Variants in HERC4 observed in about 807,000 individuals in gnomAD.
HERC4 encodes the protein HECT and RLD domain containing E3 ubiquitin protein ligase 4.
HERC4 carries 28 observed loss-of-function variants against 124.3 expected under a neutral mutation model. The observed-to-expected ratio is 0.23, with a 90% CI of 0.17 to 0.31. HERC4 has a LOEUF of 0.31. HERC4 is among the 10% of genes least tolerant of loss of function. The probability of loss-of-function intolerance (pLI) is 1.00; values close to 1 mark genes in which losing one functional copy is unlikely to be tolerated. For missense variants in HERC4, 713 were observed against 1,229.3 expected (o/e 0.58, Z 6.28); for synonymous variants, 407 against 421.5 (o/e 0.97, Z 0.42).
intron 23 of HERC4, among the ~76,000 whole-genome samples, chr10:67,930,274 T>C (rs529155466): frequency 1.3e-5 from 2 of 152,134 alleles, no homozygotes; most frequent in South Asian, 2.1e-4. Flanking sequence ...ACACATACCA[T>C]AAAGTTTGTA....
intron 3 of HERC4, chr10:68,069,631 C>T: frequency 1.0e-6 from 1 of 985,032 alleles, no homozygotes; most frequent in Non-Finnish European, 1.2e-6. Context: ...ATAAGGCTAC[C>T]TCTTTCTCCT....
At chr10:67,931,366 A>G (rs2031784876) in intron 23 of HERC4, among the ~76,000 whole-genome samples, 1 of 152,212 alleles carries the variant, frequency 6.6e-6, no homozygotes, top group Non-Finnish European at 1.5e-5. Context: ...TAATCAGAAA[A>G]AAAGGAAACA....
At chr10:67,974,673 T>C (rs909486520) in intron 15 of HERC4, among the ~76,000 whole-genome samples, 1 of 152,240 alleles carries the variant, frequency 6.6e-6, no homozygotes, top group African/African-American at 2.4e-5. Flanking sequence ...TATTATAATG[T>C]ATGCTTATTG....
intron 9 of HERC4, among the ~76,000 whole-genome samples, chr10:68,013,434 T>C (rs2038083554): frequency 6.6e-6 from 1 of 152,170 alleles, no homozygotes; most frequent in African/African-American, 2.4e-5. Flanking sequence ...ACAACACAGA[T>C]GAACCTTGAG....
intron 8 of HERC4, among the ~76,000 whole-genome samples, chr10:68,018,027 T>C (rs375087626): frequency 3.3e-5 from 5 of 152,312 alleles, no homozygotes; most frequent in South Asian, 4.1e-4. Flanking sequence ...TTCCTCAATG[T>C]TATTTTATCA....
intron 14 of HERC4, 116 bp from the exon 15 acceptor site, chr10:67,988,951 A>T (rs2036411349): frequency 1.4e-6 from 1 of 740,154 alleles, no homozygotes; most frequent in Non-Finnish European, 2.3e-6. Flanking sequence ...AAAACCCCAG[A>T]AAGATGCATA....
At chr10:67,951,323 G>T (rs1388730543) in intron 19 of HERC4, among the ~76,000 whole-genome samples, 2 of 152,154 alleles carry the variant, frequency 1.3e-5, no homozygotes, top group African/African-American at 4.8e-5. Context: ...TGAGCAGATT[G>T]TCCACTTACC....
At chr10:67,986,573 TCTCAAA>T (rs918949249) in intron 15 of HERC4, among the ~76,000 whole-genome samples, 7 of 152,072 alleles carry the variant, frequency 4.6e-5, no homozygotes, top group Non-Finnish European at 7.4e-5. Flanking sequence ...GCCAGGTTGG[TCTCAAA>T]CTCCTGACCT....
chr10:67,975,302 T>C (rs959419086), intron 15 of HERC4, among the ~76,000 whole-genome samples: 1 of 152,342 alleles, frequency 6.6e-6, no homozygotes, highest in East Asian at 1.9e-4. Context: ...AAATGTATAC[T>C]ATTATTATGA....
chr10:67,927,430 A>ATATATAT (rs1564911511), intron 23 of HERC4, among the ~76,000 whole-genome samples: 1 of 37,906 alleles, frequency 2.6e-5, no homozygotes, highest in African/African-American at 5.8e-5. Context: ...ATATATATAT[A>ATATATAT]TTTTTTTTTT....
chr10:68,023,658 C>T (rs867382030), intron 8 of HERC4, among the ~76,000 whole-genome samples: 49 of 152,296 alleles, frequency 3.2e-4, no homozygotes, highest in Admixed American at 9.2e-4. Flanking sequence ...TATTAATGTA[C>T]TTAATACCAT....
intron 5 of HERC4, among the ~76,000 whole-genome samples, chr10:68,034,724 A>T (rs117089739): frequency 0.094 from 14,251 of 151,954 alleles, 894 homozygotes; most frequent in Middle Eastern, 0.18. Context: ...ACTTCCCTGG[A>T]CCTCTTTCCA....
chr10:67,969,355 G>T (rs1246965479), intron 15 of HERC4, among the ~76,000 whole-genome samples: 1 of 152,130 alleles, frequency 6.6e-6, no homozygotes, highest in Non-Finnish European at 1.5e-5. Context: ...CTGAGTGTGG[G>T]GTAGCTTGAT....
chr10:67,961,805 G>A (rs936671870), intron 16 of HERC4, among the ~76,000 whole-genome samples: 1 of 151,582 alleles, frequency 6.6e-6, no homozygotes, highest in Admixed American at 6.6e-5. Context: ...GTAAGCATAA[G>A]CAAAACATCA....
chr10:67,996,299 A>G (rs933258239), intron 9 of HERC4, among the ~76,000 whole-genome samples: 6 of 90,506 alleles, frequency 6.6e-5, no homozygotes, highest in African/African-American at 2.4e-4. Flanking sequence ...AAAATTTTGA[A>G]GACCTTGAAA....
At chr10:67,937,345 C>T (rs1375552407) in intron 21 of HERC4, among the ~76,000 whole-genome samples, 1 of 152,002 alleles carries the variant, frequency 6.6e-6, no homozygotes, top group African/African-American at 2.4e-5. Flanking sequence ...ATTCTACAAG[C>T]AATAAAGAGC....
chr10:68,051,312 G>C (rs2040286911), intron 3 of HERC4, among the ~76,000 whole-genome samples: 1 of 150,562 alleles, frequency 6.6e-6, no homozygotes, highest in African/African-American at 2.4e-5. Flanking sequence ...AATACACACA[G>C]ACAAAACATA....
At chr10:68,038,663 T>A (rs752037546) in intron 4 of HERC4, among the ~76,000 whole-genome samples, 1 of 152,202 alleles carries the variant, frequency 6.6e-6, no homozygotes, top group Non-Finnish European at 1.5e-5. Context: ...TCTCAAATTA[T>A]GAAACCTATT....
intron 4 of HERC4, among the ~76,000 whole-genome samples, chr10:68,039,033 AG>A (rs1395056349): frequency 6.6e-6 from 1 of 151,858 alleles, no homozygotes; most frequent in Non-Finnish European, 1.5e-5. Flanking sequence ...TGCGGATTAC[AG>A]GTGGGTTACT....
Sources: allele counts gnomAD v4.1 joint callset (sites outside exome capture counted in the v4.1 genomes callset), GRCh38; gene constraint gnomAD v4.1.1; transcripts MANE v1.5; gene names NCBI Gene and HGNC (gene_info 2026-07-23, HGNC 2026-07-21).